Variants in SLC9A8 observed in about 807,000 individuals in gnomAD.
The protein encoded by SLC9A8 is solute carrier family 9 member A8.
A neutral mutation model predicts 66.6 loss-of-function variants in SLC9A8; 48 were observed. That is an observed-to-expected ratio of 0.72 (90% CI 0.57 to 0.92). SLC9A8 has a LOEUF of 0.92. Ranked by LOEUF, SLC9A8 falls within the 40% of genes least tolerant of loss-of-function variation. The pLI is 0.00. For missense variants in SLC9A8, 599 were observed against 747.3 expected, an observed-to-expected ratio of 0.80 and a Z score of 2.31; for synonymous variants, 274 against 282.6, an observed-to-expected ratio of 0.97 and a Z score of 0.31.
intron 12 of SLC9A8, 70 bp from the exon 13 acceptor site, chr20:49,880,854 T>C: frequency 9.7e-7 from 1 of 1,030,762 alleles, no homozygotes; most frequent in East Asian, 2.4e-5. Context: ...CTGCATTAGC[T>C]TCATCCAAGA....
chr20:49,877,790 G>A (rs2089479214), intron 11 of SLC9A8, among the ~76,000 whole-genome samples, 191 bp from the exon 12 acceptor site: 2 of 152,192 alleles, frequency 1.3e-5, no homozygotes, highest in Non-Finnish European at 2.9e-5. Context: ...GGGACATGTA[G>A]CTTATGTAAT....
At position 49,883,920 on chromosome 20, in the gene SLC9A8, G is replaced by A. The variant is rs766368850; in HGVS notation, c.1345G>A (p.Gly449Ser). ...GCCCATGGAGAAGCGGCAGCTCATCGGCACCACCACCATCGTCATCGTGCT... is the reference window on the plus strand; with the variant it reads ...GCCCATGGAGAAGCGGCAGCTCATCAGCACCACCACCATCGTCATCGTGCT... ...LEPMEKRQLI[G>S]TTTIVIVLFT... Residue 449 changes from glycine (G) to serine (S), a missense_variant, in exon 14 of 16, where the codon GGC (glycine) becomes AGC (serine). By Grantham distance (56) the Gly-to-Ser change is moderately conservative. This residue lies in a region of SLC9A8 where 467 missense variants were observed against 626.5 expected (regional missense o/e 0.75). Coordinates refer to ENST00000361573, the MANE Select transcript of SLC9A8 (RefSeq NM_015266.3). The A allele has an allele frequency of 2.2e-5, 36 of 1,611,534 alleles. No individual in the cohort carries two copies. Among genetic ancestry groups the A allele is most frequent in the Non-Finnish European group, 3.0e-5 (35 of 1,179,974 alleles).
chr20:49,830,176 C>T, intron 3 of SLC9A8: 2 of 771,290 alleles, frequency 2.6e-6, no homozygotes, highest in South Asian at 1.3e-5. Context: ...ACTGGTTCCA[C>T]CTCCATCCGG....
chr20:49,834,139 G>GTGTCTCTC, intron 3 of SLC9A8, among the ~76,000 whole-genome samples: 1 of 65,410 alleles, frequency 1.5e-5, no homozygotes, highest in Non-Finnish European at 2.6e-5. Flanking sequence ...ATATTAGCTT[G>GTGTCTCTC]TCTCTCTCTC....
Position 49,884,033 on chromosome 20 carries a change from G to A in SLC9A8, c.1458G>A (p.Lys486=), listed in dbSNP as rs759023448. Residue 486 remains lysine, a synonymous_variant, in exon 14 of 16, where the codon AAG becomes AAA. Coordinates refer to ENST00000361573, the MANE Select transcript of SLC9A8 (RefSeq NM_015266.3). ...IEDAKAHRRN[K]KDVNLSKTEK... ...ACGCCAAGGCACACCGCAGGAACAA[G>A]AAGGACGTCAACCTCAGCAAGACTG... is the stretch of plus-strand genomic sequence containing the variant. The A allele has an allele frequency of 1.9e-6, 3 of 1,613,576 alleles. No individual in the cohort carries two copies. The highest frequency in any genetic ancestry group is 2.7e-5 in the African/African-American group (2 of 74,852).
intron 2 of SLC9A8, among the ~76,000 whole-genome samples, chr20:49,821,189 G>T (rs185298635): frequency 6.6e-6 from 1 of 152,104 alleles, no homozygotes; most frequent in African/African-American, 2.4e-5. Context: ...TCTTAAAGCC[G>T]CAAAGAGTTG....
At chr20:49,857,825 T>A (rs925820867) in intron 8 of SLC9A8, among the ~76,000 whole-genome samples, 1 of 151,204 alleles carries the variant, frequency 6.6e-6, no homozygotes, top group African/African-American at 2.4e-5. Context: ...TTTCACCACA[T>A]TTGCCCAGTT....
chr20:49,835,536 C>G (rs1039828175), intron 3 of SLC9A8, among the ~76,000 whole-genome samples: 1 of 152,048 alleles, frequency 6.6e-6, no homozygotes, highest in African/African-American at 2.4e-5. Context: ...TTCTCCCATC[C>G]CCTGGAAACC....
chr20:49,845,241 G>T, intron 5 of SLC9A8, 122 bp downstream of exon 5: 1 of 701,564 alleles, frequency 1.4e-6, no homozygotes, highest in Non-Finnish European at 2.5e-6. Flanking sequence ...CTCCTTCCTG[G>T]TTGTGCTCAG....
chr20:49,881,895 G>T (rs1193649019), intron 13 of SLC9A8, among the ~76,000 whole-genome samples: 1 of 152,134 alleles, frequency 6.6e-6, no homozygotes, highest in Non-Finnish European at 1.5e-5. Context: ...TTTTTGAAGT[G>T]ATGTGGGCTA....
intron 5 of SLC9A8, among the ~76,000 whole-genome samples, chr20:49,846,552 G>A (rs1018926252): frequency 1.3e-5 from 2 of 151,588 alleles, no homozygotes; most frequent in African/African-American, 4.8e-5. Flanking sequence ...GCTGCTGCTT[G>A]TTATTAATGA....
At chr20:49,816,449 C>T (rs1173626595) in intron 2 of SLC9A8, among the ~76,000 whole-genome samples, 1 of 151,146 alleles carries the variant, frequency 6.6e-6, no homozygotes, top group Non-Finnish European at 1.5e-5. Context: ...AACCAAAAAA[C>T]TAATTTTGTT....
chr20:49,850,938 C>G, intron 7 of SLC9A8, 94 bp downstream of exon 7: 1 of 808,356 alleles, frequency 1.2e-6, no homozygotes, highest in East Asian at 2.6e-5. Flanking sequence ...CTGTTCTATT[C>G]TCTCTCTGTG....
At chr20:49,877,816 A>C (rs1428520159) in intron 11 of SLC9A8, among the ~76,000 whole-genome samples, 165 bp from the exon 12 acceptor site, 2 of 152,216 alleles carry the variant, frequency 1.3e-5, no homozygotes, top group African/African-American at 4.8e-5. Context: ...AGAATGAGAG[A>C]ATTTAAGCAC....
rs1420282983 is a variant in SLC9A8 at position 49,892,042 on chromosome 20, C to T, written c.*4106C>T. On this transcript the variant is annotated 3_prime_UTR_variant, in exon 16 of 16. Coordinates refer to ENST00000361573, the MANE Select transcript of SLC9A8 (RefSeq NM_015266.3). ...AGAGGCCCCTGTTAGGCCCCTGTTT[C>T]CTGAGCAGTGATGTGCTGCTCTTCT... is the stretch of plus-strand genomic sequence containing the variant. The T allele has an allele frequency of 6.6e-6, 1 of 151,408 alleles. No individual in the cohort carries two copies. The allele number at this position is 151,408 out of a possible 1,614,324, so 9.4% of individuals were successfully genotyped here.
chr20:49,850,938 CTCTCT>C, intron 7 of SLC9A8, 94 bp downstream of exon 7: 1 of 808,354 alleles, frequency 1.2e-6, no homozygotes, highest in Non-Finnish European at 1.9e-6. Context: ...CTGTTCTATT[CTCTCT>C]CTGTGTATTT....
At chr20:49,868,669 C>A (rs2089073517) in intron 10 of SLC9A8, among the ~76,000 whole-genome samples, 1 of 152,190 alleles carries the variant, frequency 6.6e-6, no homozygotes, top group Non-Finnish European at 1.5e-5. Context: ...AATCCCAGCT[C>A]CACCTCTTAT....
rs1421842372 is a variant in SLC9A8 at position 49,888,229 on chromosome 20, T to A, written c.*293T>A. The A allele has an allele frequency of 8.8e-6, 3 of 340,302 alleles. No individual in the cohort carries two copies. The highest frequency in any genetic ancestry group is 1.7e-5 in the Non-Finnish European group (3 of 179,360). The allele number at this position is 340,302 out of a possible 1,614,324, so 21.1% of individuals were successfully genotyped here. A position where few individuals can be genotyped will look rare whatever the true frequency, so the allele number is the denominator to read the frequency against. On this transcript the variant is annotated 3_prime_UTR_variant, in exon 16 of 16. Coordinates refer to ENST00000361573, the MANE Select transcript of SLC9A8 (RefSeq NM_015266.3). The stretch of plus-strand genomic sequence containing the variant: ...AGCATGGGGCCAGGTGCCAGTCATC[T>A]GTGAAGCTAGGGCGCCTACCCCCCC...
intron 2 of SLC9A8, among the ~76,000 whole-genome samples, chr20:49,816,656 A>G (rs1041868136): frequency 1.3e-5 from 2 of 152,130 alleles, no homozygotes; most frequent in Non-Finnish European, 2.9e-5. Context: ...GACAAAAAAG[A>G]AATCCAGTTG....
Sources: allele counts gnomAD v4.1 joint callset (sites outside exome capture counted in the v4.1 genomes callset), GRCh38; gene constraint gnomAD v4.1.1; regional missense constraint gnomAD v4.1.1; transcripts MANE v1.5; gene names NCBI Gene and HGNC (gene_info 2026-07-23, HGNC 2026-07-21).